RAB3A: variants seen among roughly 807,000 people sequenced by gnomAD.
RAB3A encodes the protein RAB3A, member RAS oncogene family, also known as ras-related protein Rab-3A.
RAB3A carries 5 observed loss-of-function variants against 19.7 expected under a neutral mutation model. That is an observed-to-expected ratio of 0.25 (90% CI 0.13 to 0.53). The LOEUF is 0.53. Ranked by LOEUF, RAB3A falls within the 20% of genes least tolerant of loss-of-function variation. RAB3A has a pLI of 0.95. For synonymous variants in RAB3A, 119 were observed against 122.1 expected (o/e 0.97, Z 0.17); for missense variants, 189 against 305.6 (o/e 0.62, Z 2.85).
In RAB3A at chr19:18,197,238, G is replaced by C. The variant is rs527952715; in HGVS notation, c.*232C>G. 2 of 497,946 alleles carry C rather than the reference G, an allele frequency of 4.0e-6. No individual in the cohort carries two copies. Among genetic ancestry groups the C allele is most frequent in the South Asian group, 6.8e-5 (2 of 29,336 alleles). 30.8% of individuals were successfully genotyped at this position (497,946 alleles called of 1,614,324 possible). A position where few individuals can be genotyped will look rare whatever the true frequency, so the allele number is the denominator to read the frequency against. ...GGGCCACGAGACACCACAGCTGAGT[G>C]GGGAAAGGGCTATATGTACAGGAGG... On this transcript the variant is annotated 3_prime_UTR_variant, in exon 5 of 5. Coordinates refer to ENST00000222256, the MANE Select transcript of RAB3A (RefSeq NM_002866.5).
rs1967624991 is a variant in RAB3A, at chr19:18,202,376, A to G, written c.228+137T>C. 1 of 740,226 alleles carries G rather than the reference A, an allele frequency of 1.4e-6. No homozygotes were observed. The highest frequency in any genetic ancestry group is 2.2e-6 in the Non-Finnish European group (1 of 444,510). 45.9% of individuals were successfully genotyped at this position (740,226 alleles called of 1,614,324 possible). ...AGGTGCTGTTTCTGCCCCGGTACAC[A>G]GTGGGCACCTTACTGATAAATGCCC... On this transcript the variant is annotated intron_variant, in intron 2 of 4. Transcript: ENST00000222256. This position sits in a 1 kb window ranked among gnomAD's most constrained non-coding sequence, Gnocchi z 4.2.
At chr19:18,199,547 C>G (rs1967580454) in intron 3 of RAB3A, among the ~76,000 whole-genome samples, 1 of 144,354 alleles carries the variant, frequency 6.9e-6, no homozygotes. Context: ...TTTTTTGAGA[C>G]AGAGTTTTGC....
At chr19:18,199,618 G>A (rs1967581472) in intron 3 of RAB3A, among the ~76,000 whole-genome samples, 1 of 151,808 alleles carries the variant, frequency 6.6e-6, no homozygotes, top group African/African-American at 2.4e-5. Flanking sequence ...CCACCTCCCG[G>A]GTTCGAGCGA....
At chr19:18,197,710 A>G in intron 4 of RAB3A, 50 bp from the exon 5 acceptor site, 1 of 1,472,246 alleles carries the variant, frequency 6.8e-7, no homozygotes, top group Non-Finnish European at 9.2e-7. Context: ...CCCTATGCCA[A>G]CTCCCAGAGA....
intron 2 of RAB3A, among the ~76,000 whole-genome samples, chr19:18,201,556 A>G (rs888125180): frequency 4.6e-5 from 7 of 152,188 alleles, no homozygotes; most frequent in Non-Finnish European, 8.8e-5. Context: ...ACTGCACTCC[A>G]GCCTGGGTGA....
At chr19:18,201,133 G>T (rs936632109) in intron 2 of RAB3A, among the ~76,000 whole-genome samples, 3 of 151,738 alleles carry the variant, frequency 2.0e-5, no homozygotes, top group African/African-American at 7.3e-5. Flanking sequence ...TACTCAGGAG[G>T]CTGAGGCAGG....
intron 4 of RAB3A, among the ~76,000 whole-genome samples, chr19:18,197,873 C>CTTTTTTTT (rs56264905): frequency 1.1e-5 from 1 of 90,180 alleles, no homozygotes; most frequent in East Asian, 2.5e-4. Flanking sequence ...GCATTTCCTG[C>CTTTTTTTT]TTTTTTTTTT....
chr19:18,200,062 C>T (rs1568652448), intron 3 of RAB3A, among the ~76,000 whole-genome samples: 2 of 152,098 alleles, frequency 1.3e-5, no homozygotes. Context: ...GGGCAGATCA[C>T]TTGAGCCAAG....
Position 18,203,964 on chromosome 19 carries a change from C to A in RAB3A, c.-69G>T. 1 of 157,526 alleles carries A rather than the reference C, an allele frequency of 6.3e-6. No homozygotes were observed. Among genetic ancestry groups the A allele is most frequent in the South Asian group, 1.5e-4 (1 of 6,610 alleles). The allele number at this position is 157,526 out of a possible 1,614,324, so 9.8% of individuals were successfully genotyped here. ...TTTTTGGCGGTGGCGGTGACAGGAC[C>A]CCGGTGCGTTGATGTGGGGCTGCGC... On this transcript the variant is annotated 5_prime_UTR_variant, in exon 1 of 5. Transcript: ENST00000222256.
chr19:18,202,770 A>C lies in RAB3A; in HGVS notation c.1-30T>G. 1 of 1,563,636 alleles carries C rather than the reference A, an allele frequency of 6.4e-7. No individual in the cohort carries two copies. The highest frequency in any genetic ancestry group is 8.8e-7 in the Non-Finnish European group (1 of 1,138,442). ...GGATACCGGGTGTAGCAGAGCCGTG[A>C]GGGGGGCTCTCTCCATCCTCATGTG... On this transcript the variant is annotated intron_variant, in intron 1 of 4. Transcript: ENST00000222256. The surrounding 1 kb of genome is among the most constrained non-coding windows in gnomAD (Gnocchi z 4.2).
Position 18,202,326 on chromosome 19 carries a change from G to A in RAB3A, c.228+187C>T. On this transcript the variant is annotated intron_variant, in intron 2 of 4. Transcript: ENST00000222256. The surrounding 1 kb of genome is among the most constrained non-coding windows in gnomAD (Gnocchi z 4.2). ...TGAAGATGGGGAAACTGAGGGACCA[G>A]GATTAGGTGCTTATGGGAGAACACA... 1.7e-6 allele frequency: 1 copy of A among 575,532 alleles called. No homozygotes were observed. The highest frequency in any genetic ancestry group is 2.0e-5 in the South Asian group (1 of 49,812). 35.7% of individuals were successfully genotyped at this position (575,532 alleles called of 1,614,324 possible). A position where few individuals can be genotyped will look rare whatever the true frequency, so the allele number is the denominator to read the frequency against.
chr19:18,199,411 T>G (rs1967577950), intron 3 of RAB3A, among the ~76,000 whole-genome samples: 1 of 152,140 alleles, frequency 6.6e-6, no homozygotes, highest in Non-Finnish European at 1.5e-5. Flanking sequence ...CACCTCGGCC[T>G]CCCAAGGTGC....
chr19:18,198,670 T>G, intron 4 of RAB3A, 55 bp downstream of exon 4: 1 of 1,605,442 alleles, frequency 6.2e-7, no homozygotes, highest in Non-Finnish European at 8.5e-7. Flanking sequence ...TGCCCTCCCC[T>G]CTCTTAGTGT....
At position 18,202,707 on chromosome 19, in the gene RAB3A, T is replaced by G; in HGVS notation, c.34A>C (p.Lys12Gln). ...TCGAAGTTCTGATCCGAGGACTCCT[T>G]CTGCCCATAGCGCGAGTCTGTGGCG... The part of the protein sequence containing the change: ...ASATDSRYGQ[K>Q]ESSDQNFDYM... The change falls in exon 2 of 5, where the codon AAG becomes CAG. Residue 12 changes from lysine to glutamine, a missense_variant. Coordinates refer to ENST00000222256, the MANE Select transcript of RAB3A (RefSeq NM_002866.5). This position sits in a 1 kb window ranked among gnomAD's most constrained non-coding sequence, Gnocchi z 4.2. 6.2e-7 allele frequency: 1 copy of G among 1,614,130 alleles called. No individual in the cohort carries two copies.
At chr19:18,198,895 A>G (rs768683646) in intron 3 of RAB3A, 46 bp from the exon 4 acceptor site, 1 of 1,597,598 alleles carries the variant, frequency 6.3e-7, no homozygotes, top group South Asian at 1.1e-5. Context: ...GGAGGATCCC[A>G]GCTCCACCCT....
intron 2 of RAB3A, among the ~76,000 whole-genome samples, chr19:18,200,954 G>A (rs952973602): frequency 2.6e-5 from 4 of 151,638 alleles, no homozygotes; most frequent in Admixed American, 6.6e-5. Flanking sequence ...ACAGGGGGTC[G>A]GGTGTGGTGG....
chr19:18,198,974 C>A (rs1967572042), intron 3 of RAB3A, 125 bp from the exon 4 acceptor site: 1 of 1,194,296 alleles, frequency 8.4e-7, no homozygotes, highest in Admixed American at 2.6e-5. Flanking sequence ...CCTCCATCCT[C>A]CCCACCATCC....
chr19:18,198,583 C>G (rs1417314104), intron 4 of RAB3A, 142 bp downstream of exon 4: 1 of 1,073,308 alleles, frequency 9.3e-7, no homozygotes, highest in Non-Finnish European at 1.3e-6. Flanking sequence ...CAGGATCCAA[C>G]TCAAATGGCT....
Position 18,202,414 on chromosome 19 carries a change from A to T in RAB3A, c.228+99T>A. The T allele has an allele frequency of 9.0e-7, 1 of 1,114,412 alleles. No individual in the cohort carries two copies. Among genetic ancestry groups the T allele is most frequent in the Non-Finnish European group, 1.3e-6 (1 of 751,748 alleles). The allele number at this position is 1,114,412 out of a possible 1,614,324, so 69.0% of individuals were successfully genotyped here. A position where few individuals can be genotyped will look rare whatever the true frequency, so the allele number is the denominator to read the frequency against. ...CTGATAAATGCCCAGTGTGTAAGTGAATGACTCCAGTCAGGAAAGAGATAG... is the reference window on the plus strand; with the variant it reads ...CTGATAAATGCCCAGTGTGTAAGTGTATGACTCCAGTCAGGAAAGAGATAG... On this transcript the variant is annotated intron_variant, in intron 2 of 4. Coordinates refer to ENST00000222256, the MANE Select transcript of RAB3A (RefSeq NM_002866.5). This position sits in a 1 kb window ranked among gnomAD's most constrained non-coding sequence, Gnocchi z 4.2.
Sources: gnomAD v4.1 joint callset for allele counts (sites outside exome capture counted in the v4.1 genomes callset) on GRCh38, gnomAD v4.1.1 for gene constraint, Gnocchi (gnomAD v3.1) non-coding constraint, MANE v1.5 for transcripts, NCBI Gene and HGNC (gene_info 2026-07-23, HGNC 2026-07-21) for gene names.